WDR86: variants seen among roughly 807,000 people sequenced by gnomAD.
WDR86 encodes the protein WD repeat domain 86.
Under a neutral mutation model 36.5 loss-of-function variants are expected in WDR86, and 30 were observed. The observed-to-expected ratio is 0.82, with a 90% CI of 0.61 to 1.11. WDR86 has a LOEUF of 1.11. WDR86 is among the 50% of genes most tolerant of loss of function. The pLI is 0.00. For synonymous variants in WDR86, 255 were observed against 252.9 expected (o/e 1.01, Z -0.08); for missense variants, 545 against 561.2 (o/e 0.97, Z 0.29).
downstream of WDR86, chr7:151,374,511 T>C (rs1273119017): frequency 3.6e-6 from 2 of 553,440 alleles, no homozygotes; most frequent in South Asian, 2.2e-5. Flanking sequence ...GGACTTTGTG[T>C]AGGGTTTCTG....
intron 4 of WDR86, among the ~76,000 whole-genome samples, chr7:151,382,785 G>A (rs758250): frequency 0.72 from 109,476 of 151,864 alleles, 39,978 homozygotes; most frequent in East Asian, 0.98. Flanking sequence ...CCCAGGAAAC[G>A]CTCACAGGGA....
chr7:151,377,049 A>C (rs768517587), downstream of WDR86: 63 of 1,545,548 alleles, frequency 4.1e-5, no homozygotes, highest in Non-Finnish European at 5.3e-5. Flanking sequence ...TATTGTAGGA[A>C]CCTCTAGTGC....
intron 3 of WDR86, among the ~76,000 whole-genome samples, chr7:151,395,415 A>G (rs1221663725): frequency 1.3e-5 from 2 of 152,074 alleles, no homozygotes; most frequent in East Asian, 1.9e-4. Flanking sequence ...AGGGTCTTTA[A>G]AAGAGGCAGT....
chr7:151,379,629 C>T (rs115790539), downstream of WDR86, among the ~76,000 whole-genome samples: 1,701 of 152,302 alleles, frequency 0.011, 40 homozygotes, highest in African/African-American at 0.039. Context: ...CTCAACATCT[C>T]GCAAAGCTCT....
intron 1 of WDR86, 72 bp from the exon 2 acceptor site, chr7:151,400,313 G>C: frequency 1.4e-6 from 2 of 1,429,262 alleles, no homozygotes; most frequent in South Asian, 3.1e-5. Context: ...TGGGAACAAT[G>C]TTTGAAAAGG....
At chr7:151,394,636 G>T (rs1260149221) in intron 3 of WDR86, among the ~76,000 whole-genome samples, 1 of 152,244 alleles carries the variant, frequency 6.6e-6, no homozygotes, top group African/African-American at 2.4e-5. Context: ...GTCCTTCACA[G>T]CAACAGCAGC....
At chr7:151,378,929 G>A (rs1338071120), downstream of WDR86, among the ~76,000 whole-genome samples, 2 of 152,344 alleles carry the variant, frequency 1.3e-5, no homozygotes, top group African/African-American at 4.8e-5. Flanking sequence ...GCCGGCTGTG[G>A]AGGCAGTTCT....
rs199819553 is a variant in WDR86, at chr7:151,385,234, G to C, written c.727-11C>G. On this transcript the variant is annotated splice_polypyrimidine_tract_variant and intron_variant, in intron 3 of 5. Transcript: ENST00000334493. The stretch of plus-strand genomic sequence containing the variant: ...GAGTCGGTTCACCAGCTGCGAGGAG[G>C]AGCAGGGAAGGTCGGCAGCTGGGGC... 1.9e-6 allele frequency: 3 copies of C among 1,610,192 alleles called. No individual in the cohort carries two copies. Among genetic ancestry groups the C allele is most frequent in the Non-Finnish European group, 2.5e-6 (3 of 1,179,866 alleles).
downstream of WDR86, chr7:151,375,713 G>C (rs1424637435): frequency 3.1e-6 from 2 of 637,172 alleles, no homozygotes; most frequent in Non-Finnish European, 5.9e-6. Context: ...ACACCAGCCT[G>C]AGTGGGAGCC....
chr7:151,379,875 G>A (rs1164398112), downstream of WDR86, among the ~76,000 whole-genome samples: 3 of 152,120 alleles, frequency 2.0e-5, no homozygotes, highest in Admixed American at 2.0e-4. Flanking sequence ...GCAGGAGTCA[G>A]TGTGAACGTC....
intron 1 of WDR86, among the ~76,000 whole-genome samples, chr7:151,407,430 C>T (rs1800788034): frequency 6.6e-6 from 1 of 152,252 alleles, no homozygotes; most frequent in Non-Finnish European, 1.5e-5. Flanking sequence ...CCTGGGGCCT[C>T]ACTGGGGAGA....
At chr7:151,385,812 G>A (rs73474445) in intron 3 of WDR86, among the ~76,000 whole-genome samples, 2 of 152,154 alleles carry the variant, frequency 1.3e-5, no homozygotes, top group African/African-American at 2.4e-5. Context: ...CAGGAGGTAC[G>A]GAGAGGGCCC....
At chr7:151,372,456 G>A (rs1466502366), downstream of WDR86, among the ~76,000 whole-genome samples, 1 of 152,232 alleles carries the variant, frequency 6.6e-6, no homozygotes, top group Non-Finnish European at 1.5e-5. Context: ...GTCCTTCTCT[G>A]TGCTTGGATG....
intron 3 of WDR86, among the ~76,000 whole-genome samples, chr7:151,385,701 G>C (rs549929696): frequency 6.6e-6 from 1 of 152,126 alleles, no homozygotes; most frequent in Non-Finnish European, 1.5e-5. Flanking sequence ...GCTGACAGCC[G>C]GGGACTGTCA....
chr7:151,409,670 C>G lies in WDR86; in HGVS notation c.-81G>C. On this transcript the variant is annotated 5_prime_UTR_variant, in exon 1 of 6. Transcript: ENST00000334493. The surrounding 1 kb of genome is among the most constrained non-coding windows in gnomAD (Gnocchi z 5.2). ...CCGGGGTCCGCGCGGCGGCTCCGTACGACTGCGGCCCGCGGCCATCGCGGG... is the reference window on the plus strand; with the variant it reads ...CCGGGGTCCGCGCGGCGGCTCCGTAGGACTGCGGCCCGCGGCCATCGCGGG... 7.7e-7 allele frequency: 1 copy of G among 1,296,842 alleles called. No homozygotes were observed. The highest frequency in any genetic ancestry group is 9.7e-7 in the Non-Finnish European group (1 of 1,025,724). 80.3% of individuals were successfully genotyped at this position (1,296,842 alleles called of 1,614,324 possible).
chr7:151,396,010 C>T lies in WDR86; in HGVS notation c.492G>A (p.Gly164=). Residue 164 remains glycine (G), a synonymous_variant, in exon 3 of 6, where the codon GGG becomes GGA. Coordinates refer to ENST00000334493, the MANE Select transcript of WDR86 (RefSeq NM_198285.3). ...TPCAEEAAAG[G]LLVTGSTDGT... ...CATCTGTGCTGCCGGTCACCAGAAG[C>T]CCCCCGGCCGCGGCCTCCTCCGCGC... The T allele has an allele frequency of 1.2e-6, 2 of 1,601,196 alleles. No homozygotes were observed. The highest frequency in any genetic ancestry group is 1.7e-6 in the Non-Finnish European group (2 of 1,174,436).
At chr7:151,376,868 A>G (rs1798309003), downstream of WDR86, 3 of 1,518,702 alleles carry the variant, frequency 2.0e-6, no homozygotes, top group South Asian at 3.7e-5. Flanking sequence ...AGAAGCCAAC[A>G]GATGTGGCCC....
chr7:151,382,924 G>A (rs953571787), intron 4 of WDR86, among the ~76,000 whole-genome samples: 8 of 152,084 alleles, frequency 5.3e-5, no homozygotes, highest in Non-Finnish European at 1.2e-4. Context: ...CTGAGGGTAA[G>A]GGTGCTGGGC....
chr7:151,399,170 C>T (rs922217686), intron 2 of WDR86, among the ~76,000 whole-genome samples: 79 of 152,358 alleles, frequency 5.2e-4, no homozygotes, highest in African/African-American at 1.7e-3. Context: ...CAGCCTCCTC[C>T]TCAGGGTGTC....
Sources: allele counts gnomAD v4.1 joint callset (sites outside exome capture counted in the v4.1 genomes callset), GRCh38; gene constraint gnomAD v4.1.1; non-coding constraint Gnocchi (gnomAD v3.1); transcripts MANE v1.5; gene names NCBI Gene and HGNC (gene_info 2026-07-23, HGNC 2026-07-21).